DEPTOR: variants seen among roughly 807,000 people sequenced by gnomAD.
DEPTOR encodes the protein DEP domain-containing mTOR-interacting protein.
DEPTOR carries 41 observed loss-of-function variants against 41.6 expected under a neutral mutation model. That is an observed-to-expected ratio of 0.98 (90% CI 0.77 to 1.28). The LOEUF is 1.28. DEPTOR is among the 50% of genes most tolerant of loss of function. The probability of loss-of-function intolerance (pLI) is 0.00; values close to 1 mark genes in which losing one functional copy is unlikely to be tolerated. For missense variants in DEPTOR, 514 were observed against 527.9 expected, an observed-to-expected ratio of 0.97 and a Z score of 0.26; for synonymous variants, 195 against 192.3, an observed-to-expected ratio of 1.01 and a Z score of -0.12.
chr8:119,990,262 A>G (rs770571834), intron 4 of DEPTOR, among the ~76,000 whole-genome samples: 1 of 152,104 alleles, frequency 6.6e-6, no homozygotes, highest in Non-Finnish European at 1.5e-5. Context: ...GGTTCACGCC[A>G]TTCTCCTGCC....
At chr8:119,969,511 T>A (rs1828606976) in intron 4 of DEPTOR, among the ~76,000 whole-genome samples, 1 of 151,946 alleles carries the variant, frequency 6.6e-6, no homozygotes, top group Non-Finnish European at 1.5e-5. Context: ...TGTGCCACCA[T>A]GCTTGGCTAA....
chr8:119,949,911 C>A, intron 3 of DEPTOR, among the ~76,000 whole-genome samples: 1 of 152,162 alleles, frequency 6.6e-6, no homozygotes, highest in East Asian at 1.9e-4. Flanking sequence ...AACTCCTGAC[C>A]TCAGGTGATC....
intron 1 of DEPTOR, among the ~76,000 whole-genome samples, chr8:119,886,526 G>A (rs1252117665): frequency 1.3e-5 from 2 of 151,266 alleles, no homozygotes; most frequent in African/African-American, 4.9e-5. Flanking sequence ...CACACACACA[G>A]ATACATACAT....
chr8:119,884,887 T>G (rs1358764452), intron 1 of DEPTOR, among the ~76,000 whole-genome samples: 1 of 152,042 alleles, frequency 6.6e-6, no homozygotes, highest in African/African-American at 2.4e-5. Flanking sequence ...GCAATTCTTG[T>G]GCCTCAGCTT....
intron 1 of DEPTOR, among the ~76,000 whole-genome samples, chr8:119,909,402 G>T (rs1305112873): frequency 6.6e-6 from 1 of 152,144 alleles, no homozygotes; most frequent in Non-Finnish European, 1.5e-5. Context: ...GTAGCCACAG[G>T]TGTTTGGCAC....
intron 1 of DEPTOR, among the ~76,000 whole-genome samples, chr8:119,912,961 C>A (rs1827763850): frequency 6.6e-6 from 1 of 152,098 alleles, no homozygotes. Context: ...TGCTCTGTTG[C>A]CCCTGCTGGA....
At chr8:119,899,807 A>G (rs1316715948) in intron 1 of DEPTOR, among the ~76,000 whole-genome samples, 2 of 152,124 alleles carry the variant, frequency 1.3e-5, no homozygotes, top group Admixed American at 6.6e-5. Flanking sequence ...ATGCTTCCCT[A>G]ATGAGACTCC....
chr8:120,046,426 G>A (rs1326085491), intron 8 of DEPTOR, among the ~76,000 whole-genome samples: 3 of 150,972 alleles, frequency 2.0e-5, no homozygotes, highest in Non-Finnish European at 4.4e-5. Flanking sequence ...GCCTACTCTG[G>A]ACATTTCATA....
intron 4 of DEPTOR, among the ~76,000 whole-genome samples, chr8:119,977,065 A>T (rs988004203): frequency 6.6e-6 from 1 of 152,086 alleles, no homozygotes; most frequent in African/African-American, 2.4e-5. Context: ...CAGGGGTGCA[A>T]TCTTGGCTCA....
intron 1 of DEPTOR, among the ~76,000 whole-genome samples, chr8:119,881,997 T>C (rs577457870): frequency 2.6e-5 from 4 of 152,290 alleles, no homozygotes; most frequent in Non-Finnish European, 5.9e-5. Context: ...TTCGAGTGAT[T>C]GTCCCGCCTC....
chr8:120,047,208 G>A (rs1813165316), intron 8 of DEPTOR, among the ~76,000 whole-genome samples: 1 of 151,996 alleles, frequency 6.6e-6, no homozygotes, highest in Non-Finnish European at 1.5e-5. Flanking sequence ...TTTTAGTAGA[G>A]ATGGGGTTTC....
chr8:119,938,140 T>C (rs1238213321), intron 3 of DEPTOR, among the ~76,000 whole-genome samples: 1 of 152,192 alleles, frequency 6.6e-6, no homozygotes, highest in Admixed American at 6.5e-5. Context: ...TACCGCAAAA[T>C]GTACAAGTAA....
chr8:120,036,571 C>T (rs1210622215), intron 8 of DEPTOR, among the ~76,000 whole-genome samples: 1 of 152,108 alleles, frequency 6.6e-6, no homozygotes, highest in South Asian at 2.1e-4. Context: ...CTTCCAGGAA[C>T]AGTGTCCTGC....
chr8:119,888,023 A>G lies in DEPTOR; in HGVS notation c.122+14055A>G, dbSNP rs528051020. On this transcript the variant is annotated intron_variant, in intron 1 of 8. Transcript: ENST00000286234. Reference sequence around the variant, plus strand: ...TTTAGTAGAGTCGACATCTCACTGTATTGCTCAAGCTGTTCTCAAACTCCT... The same window carrying G: ...TTTAGTAGAGTCGACATCTCACTGTGTTGCTCAAGCTGTTCTCAAACTCCT... Among the ~76,000 whole-genome samples the G allele has an allele frequency of 8.5e-5, 13 of 152,086 alleles. No individual in the cohort carries two copies. The South Asian group carries it at 2.5e-3, about 29-fold the overall frequency.
intron 1 of DEPTOR, among the ~76,000 whole-genome samples, chr8:119,925,493 G>A (rs1463465700): frequency 6.6e-6 from 1 of 152,084 alleles, no homozygotes; most frequent in Non-Finnish European, 1.5e-5. Flanking sequence ...AACAGTATGG[G>A]GAAAACTGCC....
chr8:119,884,612 A>G (rs1260753757), intron 1 of DEPTOR, among the ~76,000 whole-genome samples: 2 of 150,076 alleles, frequency 1.3e-5, no homozygotes, highest in Middle Eastern at 3.5e-3. Context: ...ACATATTTCT[A>G]TTGAGGATCT....
rs185927746 is a variant in DEPTOR, at chr8:119,964,061, G to A, written c.426-1171G>A. Among the ~76,000 whole-genome samples, 357 of 152,242 alleles carry A rather than the reference G, an allele frequency of 2.3e-3. 1 individual carries two copies. Among genetic ancestry groups the A allele is most frequent in the Non-Finnish European group, 3.7e-3 (254 of 68,012 alleles). ...GGCTGTCTTCTGGCTATGTTCTCAC[G>A]TGGCAAGAGCAGAGAGAGAGAAAGA... On this transcript the variant is annotated intron_variant, in intron 3 of 8. Transcript: ENST00000286234.
At chr8:119,987,113 C>T (rs1828838897) in intron 4 of DEPTOR, among the ~76,000 whole-genome samples, 1 of 152,016 alleles carries the variant, frequency 6.6e-6, no homozygotes, top group Non-Finnish European at 1.5e-5. Context: ...AAGGGGCATT[C>T]TGGTTTTTGG....
At chr8:119,968,040 C>A (rs909771998) in intron 4 of DEPTOR, among the ~76,000 whole-genome samples, 1 of 152,096 alleles carries the variant, frequency 6.6e-6, no homozygotes, top group East Asian at 1.9e-4. Flanking sequence ...TTTAAGTTCA[C>A]TGAGGAAAGG....
Sources: gnomAD v4.1 joint callset for allele counts (sites outside exome capture counted in the v4.1 genomes callset) on GRCh38, gnomAD v4.1.1 for gene constraint, MANE v1.5 for transcripts, NCBI Gene and HGNC (gene_info 2026-07-23, HGNC 2026-07-21) for gene names.